Variants in BOK observed in about 807,000 individuals in gnomAD.
The protein encoded by BOK is bcl-2-related ovarian killer protein.
A neutral mutation model predicts 18.3 loss-of-function variants in BOK; 20 were observed. The ratio of observed to expected loss-of-function variants is 1.09; its 90% CI spans 0.77 to 1.59. BOK has a LOEUF of 1.59. Ranked by LOEUF, BOK falls within the 40% of genes most tolerant of loss-of-function variation. The pLI is 0.00. For synonymous variants in BOK, 173 were observed against 142.4 expected, an observed-to-expected ratio of 1.21 and a Z score of -1.53; for missense variants, 348 against 307.9, an observed-to-expected ratio of 1.13 and a Z score of -0.97.
intron 3 of BOK, among the ~76,000 whole-genome samples, chr2:241,568,652 A>T (rs2066655232): frequency 6.6e-6 from 1 of 151,594 alleles, no homozygotes; most frequent in South Asian, 2.1e-4. Flanking sequence ...TCCTGACCTC[A>T]GGTGATCTGC....
At chr2:241,572,168 G>T in intron 4 of BOK, 129 bp from the exon 5 acceptor site, 1 of 1,403,478 alleles carries the variant, frequency 7.1e-7, no homozygotes, top group Admixed American at 2.2e-5. Context: ...CCTCCTTCCC[G>T]AACAGTCTCC....
At chr2:241,569,392 A>G (rs2125054057) in intron 3 of BOK, among the ~76,000 whole-genome samples, 1 of 152,304 alleles carries the variant, frequency 6.6e-6, no homozygotes, top group African/African-American at 2.4e-5. Context: ...CGGCCTCCCA[A>G]AGTGCTGGGA....
intron 2 of BOK, among the ~76,000 whole-genome samples, chr2:241,561,325 G>A (rs2066524585): frequency 6.6e-6 from 1 of 152,254 alleles, no homozygotes. Flanking sequence ...GGCCTGTAGG[G>A]GCCATCCTCG....
At chr2:241,563,204 G>A (rs1353801827) in intron 3 of BOK, among the ~76,000 whole-genome samples, 1 of 152,188 alleles carries the variant, frequency 6.6e-6, no homozygotes, top group East Asian at 1.9e-4. Context: ...CCCACGGGAG[G>A]CTTAGGGCTT....
Position 241,559,509 on chromosome 2 carries a change from T to G in BOK, c.26T>G (p.Val9Gly). ...ATGGAGGTGCTGCGGCGCTCCTCGG[T>G]CTTCGCCGCCGAGATCATGGACGCC... is the stretch of plus-strand genomic sequence containing the variant. MEVLRRSS[V>G]FAAEIMDAFD... The change falls in exon 2 of 5, where the codon GTC becomes GGC. Residue 9 changes from valine (V) to glycine (G), a missense_variant. Transcript: ENST00000318407. 1 of 1,493,734 alleles carries G rather than the reference T, an allele frequency of 6.7e-7. No homozygotes were observed. The highest frequency in any genetic ancestry group is 8.9e-7 in the Non-Finnish European group (1 of 1,128,828). 92.5% of individuals were successfully genotyped at this position (1,493,734 alleles called of 1,614,324 possible).
At chr2:241,552,442 A>G (rs2066421267) in intron 1 of BOK, among the ~76,000 whole-genome samples, 1 of 151,970 alleles carries the variant, frequency 6.6e-6, no homozygotes, top group African/African-American at 2.4e-5. Flanking sequence ...TGTCCGGCCC[A>G]CTCATACCAT....
chr2:241,551,879 A>G (rs111833207), intron 1 of BOK, among the ~76,000 whole-genome samples: 5 of 150,816 alleles, frequency 3.3e-5, no homozygotes, highest in East Asian at 2.0e-4. Flanking sequence ...CCCACCCAGT[A>G]TTCACCTCGG....
chr2:241,559,559 G>A lies in BOK; in HGVS notation c.76G>A (p.Glu26Lys). ...DAFDRSPTDKELVAQAKALGR... is the reference protein window; with the variant it reads ...DAFDRSPTDKKLVAQAKALGR... ...CTTTGACCGCTCGCCCACAGACAAG[G>A]AGCTGGTGGCCCAGGCCAAGGCGCT... Residue 26 changes from glutamate to lysine, a missense_variant, in exon 2 of 5, where the codon GAG becomes AAG. By Grantham distance (56) the Glu-to-Lys change is moderately conservative (BLOSUM62 1). Coordinates refer to ENST00000318407, the MANE Select transcript of BOK (RefSeq NM_032515.5). 6.5e-7 allele frequency: 1 copy of A among 1,529,042 alleles called. No individual in the cohort carries two copies. The highest frequency in any genetic ancestry group is 2.7e-5 in the East Asian group (1 of 37,574). 94.7% of individuals were successfully genotyped at this position (1,529,042 alleles called of 1,614,324 possible). A position where few individuals can be genotyped will look rare whatever the true frequency, so the allele number is the denominator to read the frequency against.
chr2:241,563,252 C>G (rs1482488489), intron 3 of BOK, among the ~76,000 whole-genome samples: 1 of 152,216 alleles, frequency 6.6e-6, no homozygotes, highest in Non-Finnish European at 1.5e-5. Context: ...ACTTGTCCAG[C>G]TGCCTTGGCC....
In BOK at chr2:241,559,579, G is replaced by A; in HGVS notation, c.96G>A (p.Lys32=). ...PTDKELVAQA[K]ALGREYVHAR... ...ACAAGGAGCTGGTGGCCCAGGCCAA[G>A]GCGCTGGGCCGGGAGTACGTGCACG... Residue 32 remains lysine (K), a synonymous_variant, in exon 2 of 5, where the codon AAG becomes AAA. Coordinates refer to ENST00000318407, the MANE Select transcript of BOK (RefSeq NM_032515.5). The A allele has an allele frequency of 6.6e-7, 1 of 1,520,666 alleles. No homozygotes were observed. The highest frequency in any genetic ancestry group is 8.7e-7 in the Non-Finnish European group (1 of 1,143,228). 94.2% of individuals were successfully genotyped at this position (1,520,666 alleles called of 1,614,324 possible).
At chr2:241,567,945 A>C (rs1575001849) in intron 3 of BOK, among the ~76,000 whole-genome samples, 3 of 151,178 alleles carry the variant, frequency 2.0e-5, no homozygotes, top group Admixed American at 1.3e-4. Flanking sequence ...GCCATTCCCC[A>C]CCCCTCGCCC....
chr2:241,566,082 T>G (rs1158444270), intron 3 of BOK, among the ~76,000 whole-genome samples: 2 of 151,924 alleles, frequency 1.3e-5, no homozygotes, highest in Non-Finnish European at 2.9e-5. Context: ...GTCGGGAGTT[T>G]GAGACCAGCC....
In BOK at chr2:241,562,884, G is replaced by A. The variant is rs1158802122; in HGVS notation, c.349+408G>A. ...TCCCAAGGAGGAGTGGCAAGGAGCA[G>A]GTTTCCCAGACAGCTCCCGAGTAGA... On this transcript the variant is annotated intron_variant, in intron 3 of 4. Transcript: ENST00000318407. The surrounding 1 kb of genome is among the most constrained non-coding windows in gnomAD (Gnocchi z 4.5). 6.6e-6 allele frequency among the ~76,000 whole-genome samples: 1 copy of A among 152,178 alleles called. No homozygotes were observed. The highest frequency in any genetic ancestry group is 1.9e-4 in the East Asian group (1 of 5,190).
intron 3 of BOK, among the ~76,000 whole-genome samples, chr2:241,568,398 G>A (rs2066649756): frequency 6.6e-6 from 1 of 152,058 alleles, no homozygotes; most frequent in South Asian, 2.1e-4. Context: ...GGGATTACAG[G>A]CGTGAGCCAC....
Position 241,562,554 on chromosome 2 carries a change from G to C in BOK, c.349+78G>C, listed in dbSNP as rs565944369. ...TGGCTCAGGCTCACAGGGACCCCAC[G>C]AGCTGGCCCCCACCCATCCTGGCGC... On this transcript the variant is annotated intron_variant, in intron 3 of 4. Coordinates refer to ENST00000318407, the MANE Select transcript of BOK (RefSeq NM_032515.5). The surrounding 1 kb of genome is among the most constrained non-coding windows in gnomAD (Gnocchi z 4.5). The C allele has an allele frequency of 1.7e-5, 26 of 1,499,764 alleles. No individual in the cohort carries two copies. The East Asian group carries it at 4.5e-4, about 26-fold the overall frequency. 92.9% of individuals were successfully genotyped at this position (1,499,764 alleles called of 1,614,324 possible). A position where few individuals can be genotyped will look rare whatever the true frequency, so the allele number is the denominator to read the frequency against.
intron 4 of BOK, among the ~76,000 whole-genome samples, chr2:241,571,795 G>C (rs1433584043): frequency 6.6e-6 from 1 of 152,252 alleles, no homozygotes; most frequent in Non-Finnish European, 1.5e-5. Context: ...CAGAGTCCAG[G>C]GAGTCCGTGG....
upstream of BOK, chr2:241,558,618 G>T (rs1164384129): frequency 6.6e-6 from 1 of 152,298 alleles, no homozygotes; most frequent in African/African-American, 2.4e-5. Context: ...CTCCGGCCTG[G>T]TCGCCTTCTC....
chr2:241,570,322 C>A, intron 4 of BOK, 34 bp downstream of exon 4: 2 of 1,534,460 alleles, frequency 1.3e-6, no homozygotes, highest in Non-Finnish European at 1.8e-6. Context: ...GGTGGGAGAG[C>A]TGGGGTGCGA....
chr2:241,555,182 C>T (rs1357966101), upstream of BOK, among the ~76,000 whole-genome samples: 1 of 152,128 alleles, frequency 6.6e-6, no homozygotes, highest in Non-Finnish European at 1.5e-5. Flanking sequence ...ATCTCCTCAT[C>T]TGCTCTCTTT....
Sources: allele counts gnomAD v4.1 joint callset (sites outside exome capture counted in the v4.1 genomes callset), GRCh38; gene constraint gnomAD v4.1.1; non-coding constraint Gnocchi (gnomAD v3.1); transcripts MANE v1.5; gene names NCBI Gene and HGNC (gene_info 2026-07-23, HGNC 2026-07-21).